CIT: variants seen among roughly 807,000 people sequenced by gnomAD.
The protein encoded by CIT is citron Rho-interacting kinase.
A neutral mutation model predicts 272.7 loss-of-function variants in CIT; 79 were observed. That is an observed-to-expected ratio of 0.29 (90% CI 0.24 to 0.35). CIT has a LOEUF of 0.35. CIT is among the 10% of genes least tolerant of loss of function. The pLI, the probability that CIT is intolerant of heterozygous loss-of-function variation, is 1.00. For missense variants in CIT, 1,909 were observed against 2,618.3 expected (o/e 0.73, Z 5.91); for synonymous variants, 948 against 995.6 (o/e 0.95, Z 0.90).
At chr12:119,703,379 T>C (rs2136999791) in intron 41 of CIT, among the ~76,000 whole-genome samples, 1 of 151,264 alleles carries the variant, frequency 6.6e-6, no homozygotes, top group Non-Finnish European at 1.5e-5. Context: ...ACAGTTTCTC[T>C]AACAGGTAAT....
rs761629672 is a variant in CIT, at chr12:119,718,254, T to G, written c.4159A>C (p.Thr1387Pro). The change falls in exon 32 of 48, where the codon ACT becomes CCT. Residue 1387 changes from threonine to proline, a missense_variant. Thr to Pro is a conservative substitution (Grantham distance 38). Transcript: ENST00000392521. The surrounding 1 kb of genome is among the most constrained non-coding windows in gnomAD (Gnocchi z 4.8). ...PPSSRRKESS[T>P]PEEFSRRLKE... Reference sequence around the variant, plus strand: ...TACAACTCCAACGTACCCTCTGGAGTTGAAGACTCCTTTCTGCGGCTGGAT... The same window carrying G: ...TACAACTCCAACGTACCCTCTGGAGGTGAAGACTCCTTTCTGCGGCTGGAT... The G allele has an allele frequency of 3.7e-6, 6 of 1,612,520 alleles. No individual in the cohort carries two copies. In the Admixed American group the frequency reaches 8.4e-5, roughly 22 times the overall value.
At chr12:119,731,526 T>C (rs1298525985) in intron 26 of CIT, among the ~76,000 whole-genome samples, 1 of 148,240 alleles carries the variant, frequency 6.7e-6, no homozygotes, top group African/African-American at 2.5e-5. Flanking sequence ...ATCTGATGAG[T>C]GTCTCCATAA....
intron 2 of CIT, among the ~76,000 whole-genome samples, chr12:119,872,271 T>C (rs1255130753): frequency 6.6e-6 from 1 of 152,174 alleles, no homozygotes. Context: ...GGAAAACCTG[T>C]GTCTACCCAG....
At chr12:119,821,295 C>CAA (rs34617126) in intron 9 of CIT, among the ~76,000 whole-genome samples, 2 of 97,710 alleles carry the variant, frequency 2.0e-5, no homozygotes, top group Non-Finnish European at 4.3e-5. Context: ...AACTCCGTCT[C>CAA]AAAAAAAAAA....
rs1013974295 is a variant in CIT at position 119,733,268 on chromosome 12, G to A, written c.3350+896C>T. Among the ~76,000 whole-genome samples, 3 of 151,530 alleles carry A rather than the reference G, an allele frequency of 2.0e-5. No homozygotes were observed. The South Asian group carries it at 6.2e-4, about 32-fold the overall frequency. On this transcript the variant is annotated intron_variant, in intron 26 of 47. Transcript: ENST00000392521. The stretch of plus-strand genomic sequence containing the variant: ...AAACCAGCCAGGTGTGGTGGCTCAC[G>A]CTTGTAATCCCAGCACTCTGGGAGA...
intron 16 of CIT, among the ~76,000 whole-genome samples, chr12:119,775,578 T>TA (rs2137628998): frequency 6.6e-6 from 1 of 152,374 alleles, no homozygotes; most frequent in Admixed American, 6.5e-5. Context: ...GCTTGGTTTT[T>TA]AAAAATAAAC....
rs56003708 is a variant in CIT, at chr12:119,742,866, GACAC to G, written c.2905-406_2905-403del. 1.2e-3 allele frequency: 176 copies of G among 151,848 alleles called. 1 individual carries two copies. Among genetic ancestry groups the G allele is most frequent in the African/African-American group, 3.5e-3 (142 of 40,524 alleles). 9.4% of individuals were successfully genotyped at this position (151,848 alleles called of 1,614,324 possible). ...CTGACTCCTCCCCAGCCTACTCCCT[GACAC>G]ACACACACACACACACACACACACA... On this transcript the variant is annotated intron_variant, in intron 23 of 47. Coordinates refer to ENST00000392521, the MANE Select transcript of CIT (RefSeq NM_001206999.2).
chr12:119,688,328 A>G (rs1382429823), intron 47 of CIT, 73 bp from the exon 48 acceptor site: 7 of 1,447,186 alleles, frequency 4.8e-6, no homozygotes, highest in African/African-American at 1.4e-5. Context: ...CATGATGCAA[A>G]TGGGAATCTG....
Position 119,728,929 on chromosome 12 carries a change from C to T in CIT, c.3487-323G>A, listed in dbSNP as rs1482745558. Among the ~76,000 whole-genome samples, 5 of 152,156 alleles carry T rather than the reference C, an allele frequency of 3.3e-5. No homozygotes were observed. Among genetic ancestry groups the T allele is most frequent in the Admixed American group, 3.3e-4 (5 of 15,270 alleles). Reference sequence around the variant, plus strand: ...ATAATCATACGCTGAATGCTTACTACCTGCATTATAGCTTTTAGGATGAAA... The same window carrying T: ...ATAATCATACGCTGAATGCTTACTATCTGCATTATAGCTTTTAGGATGAAA... On this transcript the variant is annotated intron_variant, in intron 27 of 47. Transcript: ENST00000392521. The surrounding 1 kb of genome is among the most constrained non-coding windows in gnomAD (Gnocchi z 4.3).
chr12:119,825,107 C>T, intron 8 of CIT, 58 bp downstream of exon 8: 1 of 1,518,634 alleles, frequency 6.6e-7, no homozygotes, highest in Non-Finnish European at 9.0e-7. Flanking sequence ...GCCTCATTCG[C>T]ACAATTTTTA....
intron 5 of CIT, among the ~76,000 whole-genome samples, chr12:119,839,293 G>C (rs1002758317): frequency 6.6e-6 from 1 of 152,206 alleles, no homozygotes; most frequent in Admixed American, 6.5e-5. Flanking sequence ...CGGGGATGGG[G>C]TGAATATTGA....
At chr12:119,873,254 AT>A (rs1326919299) in intron 2 of CIT, among the ~76,000 whole-genome samples, 1 of 150,690 alleles carries the variant, frequency 6.6e-6, no homozygotes, top group African/African-American at 2.5e-5. Flanking sequence ...TAAGTTGGAA[AT>A]TTTTTTCCTT....
intron 10 of CIT, among the ~76,000 whole-genome samples, chr12:119,798,242 C>A (rs1008778869): frequency 1.3e-5 from 2 of 152,168 alleles, no homozygotes; most frequent in African/African-American, 2.4e-5. Context: ...TCACACCCTG[C>A]CCCAACCTCA....
intron 16 of CIT, among the ~76,000 whole-genome samples, chr12:119,774,740 T>TA (rs1437134688): frequency 2.1e-5 from 3 of 143,444 alleles, no homozygotes; most frequent in African/African-American, 7.9e-5. Flanking sequence ...TGGGAAGCAA[T>TA]GGCAGGTGGT....
intron 3 of CIT, among the ~76,000 whole-genome samples, chr12:119,865,174 G>C (rs930626060): frequency 6.6e-6 from 1 of 152,116 alleles, no homozygotes; most frequent in Non-Finnish European, 1.5e-5. Flanking sequence ...TGGAAGAGGG[G>C]TCTATTAGAA....
intron 23 of CIT, among the ~76,000 whole-genome samples, chr12:119,749,471 C>A (rs1844128124): frequency 6.6e-6 from 1 of 152,158 alleles, no homozygotes; most frequent in Admixed American, 6.5e-5. Context: ...CCCATTCAGG[C>A]AACAAACACA....
chr12:119,697,597 T>C lies in CIT; in HGVS notation c.5882+62A>G. On this transcript the variant is annotated intron_variant, in intron 46 of 47. Coordinates refer to ENST00000392521, the MANE Select transcript of CIT (RefSeq NM_001206999.2). This position sits in a 1 kb window ranked among gnomAD's most constrained non-coding sequence, Gnocchi z 4.9. ...AACATTCTACTGGTTTAGTATCACTTCCTTCTGCCTTGCAGAAAAGCACGT... is the reference window on the plus strand; with the variant it reads ...AACATTCTACTGGTTTAGTATCACTCCCTTCTGCCTTGCAGAAAAGCACGT... The C allele has an allele frequency of 6.7e-7, 1 of 1,501,632 alleles. No individual in the cohort carries two copies. The highest frequency in any genetic ancestry group is 1.4e-5 in the African/African-American group (1 of 72,202). The allele number at this position is 1,501,632 out of a possible 1,614,324, so 93.0% of individuals were successfully genotyped here. A position where few individuals can be genotyped will look rare whatever the true frequency, so the allele number is the denominator to read the frequency against.
intron 5 of CIT, among the ~76,000 whole-genome samples, chr12:119,839,145 G>A (rs1566110841): frequency 1.3e-5 from 2 of 152,212 alleles, no homozygotes; most frequent in Non-Finnish European, 2.9e-5. Context: ...CTGCTTCTCT[G>A]TTGGTGTTTG....
At chr12:119,862,479 C>A (rs1462319227) in intron 3 of CIT, among the ~76,000 whole-genome samples, 1 of 151,992 alleles carries the variant, frequency 6.6e-6, no homozygotes, top group African/African-American at 2.4e-5. Context: ...CTCGCCCCTA[C>A]AAAATTCATG....
Sources: allele counts gnomAD v4.1 joint callset (sites outside exome capture counted in the v4.1 genomes callset), GRCh38; gene constraint gnomAD v4.1.1; non-coding constraint Gnocchi (gnomAD v3.1); transcripts MANE v1.5; gene names NCBI Gene and HGNC (gene_info 2026-07-23, HGNC 2026-07-21).